The following JAK1 variants were observed in gnomAD, a reference collection of about 807,000 sequenced individuals.
The protein encoded by JAK1 is Janus kinase 1, also known as tyrosine-protein kinase JAK1.
Under a neutral mutation model 136.6 loss-of-function variants are expected in JAK1, and 16 were observed. That is an observed-to-expected ratio of 0.12 (90% CI 0.08 to 0.18). JAK1 has a LOEUF of 0.18. JAK1 is among the 10% of genes least tolerant of loss of function. JAK1 has a pLI of 1.00. For missense variants in JAK1, 859 were observed against 1,450.1 expected, an observed-to-expected ratio of 0.59 and a Z score of 6.62; for synonymous variants, 492 against 519.5, an observed-to-expected ratio of 0.95 and a Z score of 0.72.
chr1:65,001,590 C>T lies in JAK1; in HGVS notation c.-78+42890G>A, dbSNP rs377570296. Among the ~76,000 whole-genome samples the T allele has an allele frequency of 2.6e-3, 394 of 149,136 alleles. 2 individuals carry two copies. Among genetic ancestry groups the T allele is most frequent in the African/African-American group, 8.7e-3 (353 of 40,408 alleles). On this transcript the variant is annotated intron_variant, in intron 2 of 25. Transcript: ENST00000671954. ...TGTGTGTTGTATGTCTAAGAGGTAG[C>T]AAGTGTGTTTGTGTGCGTGATATGT...
At chr1:64,943,239 CCTA>C (rs1316584467) in intron 1 of JAK1, among the ~76,000 whole-genome samples, 2 of 152,114 alleles carry the variant, frequency 1.3e-5, no homozygotes, top group African/African-American at 4.8e-5. Context: ...AGAATTGATA[CCTA>C]TTACCTCATC....
At chr1:65,067,388 C>T (rs1648106148) in intron 1 of JAK1, among the ~76,000 whole-genome samples, 1 of 149,108 alleles carries the variant, frequency 6.7e-6, no homozygotes, top group Non-Finnish European at 1.5e-5. Context: ...CGCCCCACGG[C>T]TTCCCGCGTC....
At chr1:64,939,802 G>A (rs140819871) in intron 1 of JAK1, among the ~76,000 whole-genome samples, 239 of 152,204 alleles carry the variant, frequency 1.6e-3, no homozygotes, top group Admixed American at 5.0e-3. Context: ...AATAAAAGTG[G>A]GAACCAGAAA....
upstream of JAK1, among the ~76,000 whole-genome samples, chr1:64,970,843 T>C (rs569822562): frequency 6.6e-6 from 1 of 151,914 alleles, no homozygotes; most frequent in Non-Finnish European, 1.5e-5. Context: ...AATACAAATA[T>C]TTCCTTCTAA....
chr1:65,021,167 G>C (rs760547523), intron 2 of JAK1, among the ~76,000 whole-genome samples: 1 of 152,180 alleles, frequency 6.6e-6, no homozygotes, highest in Non-Finnish European at 1.5e-5. Context: ...CAGCAGAATG[G>C]AGCTGGGCAA....
In JAK1 at chr1:64,836,167, G is replaced by A. The variant is rs776569350; in HGVS notation, c.3189C>T (p.Asp1063=). 95 of 1,612,936 alleles carry A rather than the reference G, an allele frequency of 5.9e-5. No individual in the cohort carries two copies. The highest frequency in any genetic ancestry group is 4.0e-4 in the South Asian group (36 of 91,064). The change falls in exon 23 of 25, where the codon GAC becomes GAT. Residue 1063 remains aspartate, a synonymous_variant. Coordinates refer to ENST00000342505, the MANE Select transcript of JAK1 (RefSeq NM_002227.4). Reference sequence around the variant, plus strand: ...GCAGAGTGACTCCAAAAGACCAGACGTCAGAGGCAATATAAAATTTAGATT... The same window carrying A: ...GCAGAGTGACTCCAAAAGACCAGACATCAGAGGCAATATAAAATTTAGATT... ...LMQSKFYIAS[D]VWSFGVTLHE... is the part of the protein sequence containing the mutation.
rs1291630131 is a variant in JAK1 at position 65,038,220 on chromosome 1, CAG to C, written c.-78+6258_-78+6259del. Among the ~76,000 whole-genome samples, 3 of 127,546 alleles carry C rather than the reference CAG, an allele frequency of 2.4e-5. No individual in the cohort carries two copies. The South Asian group carries it at 7.6e-4, about 32-fold the overall frequency. The allele number at this position is 127,546 out of a possible 152,430, so 83.7% of individuals were successfully genotyped here. A position where few individuals can be genotyped will look rare whatever the true frequency, so the allele number is the denominator to read the frequency against. On this transcript the variant is annotated intron_variant, in intron 2 of 25. Coordinates refer to the JAK1 transcript ENST00000671954. ...TTTCTTTTTTTTTTTTTTTTTGAGA[CAG>C]AGTTTTGCTCTTGTTGCCCAGGCTG... is the stretch of plus-strand genomic sequence containing the variant.
intron 1 of JAK1, among the ~76,000 whole-genome samples, chr1:65,061,313 G>A (rs1189743048): frequency 6.6e-6 from 1 of 152,154 alleles, no homozygotes; most frequent in East Asian, 1.9e-4. Flanking sequence ...GAGGTGGGAG[G>A]ATTGCTTGAA....
intron 2 of JAK1, chr1:65,004,188 G>A: frequency 6.6e-6 from 1 of 152,282 alleles, no homozygotes; most frequent in Non-Finnish European, 1.5e-5. Flanking sequence ...TGATCCACCC[G>A]CCTCAGCCTC....
At chr1:64,839,921 G>A (rs1255444199) in intron 19 of JAK1, 126 bp from the exon 20 acceptor site, 2 of 722,066 alleles carry the variant, frequency 2.8e-6, no homozygotes, top group Non-Finnish European at 4.5e-6. Context: ...GGCCTTGCAG[G>A]CAGAAGCCTC....
intron 9 of JAK1, 154 bp downstream of exon 9, chr1:64,859,951 A>T: frequency 3.8e-6 from 2 of 524,840 alleles, no homozygotes; most frequent in Non-Finnish European, 3.2e-6. Flanking sequence ...GGAAGGCCTG[A>T]CCAGAGCTTG....
chr1:64,887,574 G>A (rs189344217), intron 1 of JAK1, among the ~76,000 whole-genome samples: 8 of 152,308 alleles, frequency 5.3e-5, no homozygotes, highest in East Asian at 1.9e-4. Context: ...CCCTGCCTAC[G>A]TGGAGCTTAC....
At chr1:64,859,800 T>G in intron 9 of JAK1, 1 of 195,976 alleles carries the variant, frequency 5.1e-6, no homozygotes, top group Non-Finnish European at 1.0e-5. Context: ...ATTGCCCACA[T>G]TGTTTGACAC....
intron 1 of JAK1, among the ~76,000 whole-genome samples, chr1:64,937,868 C>A (rs1419749026): frequency 6.6e-6 from 1 of 151,922 alleles, no homozygotes; most frequent in African/African-American, 2.4e-5. Flanking sequence ...GTTTCTTGAA[C>A]AGAGAATGTC....
At chr1:65,043,942 G>A (rs1007653529) in intron 2 of JAK1, among the ~76,000 whole-genome samples, 4 of 151,424 alleles carry the variant, frequency 2.6e-5, no homozygotes, top group Admixed American at 6.6e-5. Context: ...GGCTGGTCTC[G>A]AACTCCTGAC....
At chr1:65,047,636 G>A (rs1007875003) in intron 1 of JAK1, among the ~76,000 whole-genome samples, 9 of 151,810 alleles carry the variant, frequency 5.9e-5, no homozygotes, top group African/African-American at 9.7e-5. Context: ...GGAGAATGGC[G>A]TGAACCTGGG....
chr1:64,931,546 C>G (rs887989915), intron 1 of JAK1, among the ~76,000 whole-genome samples: 2 of 151,928 alleles, frequency 1.3e-5, no homozygotes, highest in Non-Finnish European at 1.5e-5. Flanking sequence ...TGGCACAAGG[C>G]TGAGTGGTTG....
At chr1:65,055,366 G>A (rs1003649530) in intron 1 of JAK1, among the ~76,000 whole-genome samples, 1 of 152,198 alleles carries the variant, frequency 6.6e-6, no homozygotes, top group Non-Finnish European at 1.5e-5. Context: ...ATATTCCAAT[G>A]TAGGTATACA....
intron 13 of JAK1, chr1:64,846,964 T>C (rs1655274751): frequency 1.6e-5 from 9 of 566,192 alleles, no homozygotes; most frequent in Non-Finnish European, 2.8e-5. Context: ...CCTAACAGGA[T>C]GCAGAGCAGG....
Sources: allele counts gnomAD v4.1 joint callset (sites outside exome capture counted in the v4.1 genomes callset), GRCh38; gene constraint gnomAD v4.1.1; transcripts MANE v1.5; gene names NCBI Gene and HGNC (gene_info 2026-07-23, HGNC 2026-07-21).